The following TFAP2D variants were observed in gnomAD, a reference collection of about 807,000 sequenced individuals.
The protein encoded by TFAP2D is transcription factor AP-2-delta.
A neutral mutation model predicts 43.6 loss-of-function variants in TFAP2D; 9 were observed. That is an observed-to-expected ratio of 0.21 (90% CI 0.12 to 0.36). TFAP2D has a LOEUF of 0.36. TFAP2D is among the 10% of genes least tolerant of loss of function. The pLI is 1.00. For missense variants in TFAP2D, 513 were observed against 561.4 expected (o/e 0.91, Z 0.87); for synonymous variants, 256 against 224.9 (o/e 1.14, Z -1.24).
intron 7 of TFAP2D, among the ~76,000 whole-genome samples, chr6:50,761,894 T>A (rs563086244): frequency 1.9e-4 from 29 of 152,148 alleles, no homozygotes; most frequent in African/African-American, 7.0e-4. Context: ...TAAAGATAAA[T>A]GTAGGTAAGG....
intron 5 of TFAP2D, among the ~76,000 whole-genome samples, chr6:50,732,054 G>T (rs183648113): frequency 6.6e-6 from 1 of 152,018 alleles, no homozygotes. Flanking sequence ...ATAAATTCTT[G>T]GATTGACCGT....
intron 5 of TFAP2D, among the ~76,000 whole-genome samples, chr6:50,732,254 G>A (rs1768905127): frequency 6.6e-6 from 1 of 151,988 alleles, no homozygotes; most frequent in Non-Finnish European, 1.5e-5. Flanking sequence ...TTTTTAAACT[G>A]AAATCTCTCC....
intron 5 of TFAP2D, among the ~76,000 whole-genome samples, chr6:50,732,082 T>C (rs1401464114): frequency 6.6e-6 from 1 of 152,070 alleles, no homozygotes; most frequent in Non-Finnish European, 1.5e-5. Flanking sequence ...AGTAATGTTT[T>C]CTCCCTCAAT....
chr6:50,743,519 A>T (rs1374952896), intron 5 of TFAP2D, among the ~76,000 whole-genome samples: 1 of 151,874 alleles, frequency 6.6e-6, no homozygotes, highest in Non-Finnish European at 1.5e-5. Context: ...GTGGCTAGGG[A>T]CTGCAGGCAT....
chr6:50,734,771 C>T lies in TFAP2D; in HGVS notation c.883+5459C>T, dbSNP rs140831389. 4.3e-3 allele frequency among the ~76,000 whole-genome samples: 647 copies of T among 152,106 alleles called. 3 individuals are homozygous for T. The highest frequency in any genetic ancestry group is 0.01 in the African/African-American group (430 of 41,508). On this transcript the variant is annotated intron_variant, in intron 5 of 7. Coordinates refer to ENST00000008391, the MANE Select transcript of TFAP2D (RefSeq NM_172238.4). The stretch of plus-strand genomic sequence containing the variant: ...ATCTCTAGCTTGGCAGAGTCTTCTC[C>T]GAAACAACTCTATCATATATAAAGA...
intron 7 of TFAP2D, among the ~76,000 whole-genome samples, chr6:50,761,465 CT>C (rs763624366): frequency 1.3e-5 from 2 of 151,936 alleles, no homozygotes; most frequent in Non-Finnish European, 2.9e-5. Context: ...ACTGAGTGAT[CT>C]AATCTTCAGT....
intron 7 of TFAP2D, among the ~76,000 whole-genome samples, chr6:50,768,056 C>G (rs1045054002): frequency 6.6e-6 from 1 of 152,128 alleles, no homozygotes; most frequent in Non-Finnish European, 1.5e-5. Context: ...GAAATGCGCT[C>G]TCATCAGTAA....
chr6:50,738,888 C>A (rs1429963444), intron 5 of TFAP2D, among the ~76,000 whole-genome samples: 15 of 152,172 alleles, frequency 9.9e-5, no homozygotes, highest in Admixed American at 9.8e-4. Context: ...CTAGTGGCTG[C>A]TTTCCCTTTT....
intron 7 of TFAP2D, among the ~76,000 whole-genome samples, chr6:50,760,228 T>C (rs1317064142): frequency 2.0e-5 from 3 of 152,042 alleles, no homozygotes; most frequent in Non-Finnish European, 2.9e-5. Context: ...TGGGAAATGC[T>C]GCAGAAGTTT....
chr6:50,714,541 A>G (rs1768581920), intron 1 of TFAP2D, among the ~76,000 whole-genome samples: 1 of 152,234 alleles, frequency 6.6e-6, no homozygotes, highest in Non-Finnish European at 1.5e-5. Flanking sequence ...CCCTCCCTCG[A>G]ATGACTAAGG....
At chr6:50,720,911 G>C (rs1768712902) in intron 3 of TFAP2D, among the ~76,000 whole-genome samples, 1 of 152,168 alleles carries the variant, frequency 6.6e-6, no homozygotes, top group South Asian at 2.1e-4. Context: ...CTTCTGAAAT[G>C]CTTGGAAACT....
At chr6:50,725,498 T>A (rs2114035029) in intron 3 of TFAP2D, among the ~76,000 whole-genome samples, 1 of 152,328 alleles carries the variant, frequency 6.6e-6, no homozygotes, top group East Asian at 1.9e-4. Context: ...ATGAATACAC[T>A]GGCTATAGAA....
At chr6:50,715,814 G>A (rs1768617224) in intron 2 of TFAP2D, among the ~76,000 whole-genome samples, 1 of 151,414 alleles carries the variant, frequency 6.6e-6, no homozygotes, top group African/African-American at 2.4e-5. Flanking sequence ...AATTAGAGGA[G>A]GAGTGTGCCC....
At chr6:50,761,332 G>A (rs940278130) in intron 7 of TFAP2D, among the ~76,000 whole-genome samples, 1 of 151,684 alleles carries the variant, frequency 6.6e-6, no homozygotes, top group African/African-American at 2.4e-5. Flanking sequence ...CTTAAATGAT[G>A]ATGGCAGGCT....
intron 5 of TFAP2D, among the ~76,000 whole-genome samples, chr6:50,731,308 A>G (rs1054003079): frequency 2.4e-4 from 37 of 152,044 alleles, no homozygotes; most frequent in Non-Finnish European, 7.4e-5. Context: ...AATCCCCAGT[A>G]TCTTCAGGAT....
At position 50,772,857 on chromosome 6, in the gene TFAP2D, C is replaced by T; in HGVS notation, c.1352C>T (p.Thr451Ile). ...GTGAAAGAGGGCAAAACAGAAAAGA[C>T]AGACTAGCTACATCAAACAGAATCT... is the stretch of plus-strand genomic sequence containing the variant. ...AAVKEGKTEKTD is the reference protein window; with the variant it reads ...AAVKEGKTEKID The change falls in exon 8 of 8, where the codon ACA becomes ATA. Residue 451 changes from threonine to isoleucine, a missense_variant. Around this residue, in one of 3 missense-constraint regions of TFAP2D, gnomAD observed 199 missense variants for 227.9 expected, o/e 0.87. Transcript: ENST00000008391. 6.2e-7 allele frequency: 1 copy of T among 1,612,206 alleles called. No individual in the cohort carries two copies. Among genetic ancestry groups the T allele is most frequent in the Non-Finnish European group, 8.5e-7 (1 of 1,179,088 alleles).
At position 50,772,245 on chromosome 6, in the gene TFAP2D, G is replaced by T. The variant is rs189432881; in HGVS notation, c.1140-400G>T. 5.4e-4 allele frequency among the ~76,000 whole-genome samples: 82 copies of T among 152,132 alleles called. 4 individuals are homozygous for T. In the East Asian group the frequency reaches 0.015, roughly 28 times the overall value. On this transcript the variant is annotated intron_variant, in intron 7 of 7. Transcript: ENST00000008391. ...CTCACACACCGGGGCCTGTCATGGG[G>T]TGGGCGGAGGGGGGAGGGATAGCAT...
At chr6:50,724,093 G>T (rs945640792) in intron 3 of TFAP2D, among the ~76,000 whole-genome samples, 1 of 151,710 alleles carries the variant, frequency 6.6e-6, no homozygotes, top group Non-Finnish European at 1.5e-5. Context: ...ATCTGCTGCC[G>T]TGGGGGGAGA....
chr6:50,718,124 T>G (rs895300031), intron 2 of TFAP2D: 1 of 151,964 alleles, frequency 6.6e-6, no homozygotes, highest in African/African-American at 2.4e-5. Context: ...CTCCAAGTTT[T>G]TTTTTTTTCA....
Sources: gnomAD v4.1 joint callset for allele counts (sites outside exome capture counted in the v4.1 genomes callset) on GRCh38, gnomAD v4.1.1 for gene constraint, gnomAD v4.1.1 regional missense constraint, MANE v1.5 for transcripts, NCBI Gene and HGNC (gene_info 2026-07-23, HGNC 2026-07-21) for gene names.